The following USP13 variants were observed in gnomAD, a reference collection of about 807,000 sequenced individuals.
USP13 encodes the protein ubiquitin specific peptidase 13.
Under a neutral mutation model 107.8 loss-of-function variants are expected in USP13, and 68 were observed. The ratio of observed to expected loss-of-function variants is 0.63; its 90% CI spans 0.52 to 0.77. USP13 has a LOEUF of 0.77. Ranked by LOEUF, USP13 falls within the 30% of genes least tolerant of loss-of-function variation. USP13 has a pLI of 0.00. For missense variants in USP13, 945 were observed against 1,093.3 expected (o/e 0.86, Z 1.91); for synonymous variants, 377 against 389.5 (o/e 0.97, Z 0.38).
intron 17 of USP13, 54 bp from the exon 18 acceptor site, chr3:179,763,948 G>T: frequency 1.7e-6 from 2 of 1,192,598 alleles, no homozygotes; most frequent in Non-Finnish European, 2.2e-6. Context: ...GTTGTTTCAG[G>T]ACAAAAAAAA....
rs543622656 is a variant in USP13 at position 179,769,727 on chromosome 3, A to G, written c.2413+3879A>G. Among the ~76,000 whole-genome samples the G allele has an allele frequency of 8.5e-5, 13 of 152,290 alleles. No individual in the cohort carries two copies. In the South Asian group the frequency reaches 2.7e-3, roughly 32 times the overall value. ...CCTGGCCAAATAATGAGTTTCTTAA[A>G]GGATGAATTCAATTCACAGAAGTAC... On this transcript the variant is annotated intron_variant, in intron 19 of 20. Coordinates refer to ENST00000263966, the MANE Select transcript of USP13 (RefSeq NM_003940.3).
rs1291662261 is a variant in USP13 at position 179,788,618 on chromosome 3, C to A, written c.*4477C>A. 6.6e-6 allele frequency: 1 copy of A among 152,102 alleles called. No individual in the cohort carries two copies. The highest frequency in any genetic ancestry group is 2.4e-5 in the African/African-American group (1 of 41,418). The allele number at this position is 152,102 out of a possible 1,614,324, so 9.4% of individuals were successfully genotyped here. ...TTGGATGTACTAAGTAAAATATTAA[C>A]AATTTAATATATTTATATAATTGAA... On this transcript the variant is annotated 3_prime_UTR_variant, in exon 21 of 21. Coordinates refer to ENST00000263966, the MANE Select transcript of USP13 (RefSeq NM_003940.3).
chr3:179,774,633 T>A (rs930857356), intron 19 of USP13, among the ~76,000 whole-genome samples: 2 of 152,132 alleles, frequency 1.3e-5, no homozygotes, highest in African/African-American at 4.8e-5. Flanking sequence ...ATAAAGGTAG[T>A]GGAGACCCAA....
chr3:179,657,633 A>G (rs1317667610), intron 1 of USP13, among the ~76,000 whole-genome samples: 2 of 151,336 alleles, frequency 1.3e-5, no homozygotes. Flanking sequence ...GTGTGGTGGC[A>G]CGCACCTGTA....
chr3:179,681,896 T>C lies in USP13; in HGVS notation c.187T>C (p.Tyr63His). The stretch of plus-strand genomic sequence containing the variant: ...CTTCTAGAATTCTGAAGGTGGACTC[T>C]ATGTATGCATGAATACATTTTTGGC... ...YDSPNSEGGL[Y>H]VCMNTFLAFG... Residue 63 changes from tyrosine (Y) to histidine (H), a missense_variant, in exon 2 of 21, where the codon TAT becomes CAT. Transcript: ENST00000263966. 6.2e-7 allele frequency: 1 copy of C among 1,613,506 alleles called. No homozygotes were observed. Among genetic ancestry groups the C allele is most frequent in the Non-Finnish European group, 8.5e-7 (1 of 1,179,714 alleles).
intron 10 of USP13, among the ~76,000 whole-genome samples, chr3:179,732,821 C>T (rs1713854151): frequency 1.3e-5 from 2 of 152,216 alleles, no homozygotes; most frequent in African/African-American, 2.4e-5. Context: ...GAGCCCTTGT[C>T]TCTCTTCCCC....
chr3:179,744,991 T>C (rs544065471), intron 12 of USP13, 52 bp from the exon 13 acceptor site: 1 of 1,602,360 alleles, frequency 6.2e-7, no homozygotes, highest in Non-Finnish European at 8.5e-7. Context: ...GTGCTTTTCA[T>C]TTCCACAGGG....
Position 179,702,169 on chromosome 3 carries a change from G to A in USP13, c.477+1040G>A, listed in dbSNP as rs559909382. On this transcript the variant is annotated intron_variant, in intron 4 of 20. Coordinates refer to ENST00000263966, the MANE Select transcript of USP13 (RefSeq NM_003940.3). ...CGAGTAGCTGGGACTCCAGGCGCCCGCCATCACGCCTAGAGATTTTTTTGT... is the reference window on the plus strand; with the variant it reads ...CGAGTAGCTGGGACTCCAGGCGCCCACCATCACGCCTAGAGATTTTTTTGT... Among the ~76,000 whole-genome samples the A allele has an allele frequency of 2.0e-4, 31 of 152,128 alleles. No homozygotes were observed. In the East Asian group the frequency reaches 2.3e-3, roughly 11 times the overall value.
chr3:179,734,248 A>T (rs921854116), intron 10 of USP13, among the ~76,000 whole-genome samples: 1 of 152,244 alleles, frequency 6.6e-6, no homozygotes, highest in Non-Finnish European at 1.5e-5. Context: ...TTACTTAAAT[A>T]TGTTGAATTG....
intron 16 of USP13, among the ~76,000 whole-genome samples, chr3:179,759,924 G>A (rs761958706): frequency 6.6e-6 from 1 of 152,036 alleles, no homozygotes; most frequent in East Asian, 1.9e-4. Flanking sequence ...CACCTGCCTC[G>A]GCCTCCCAAA....
intron 1 of USP13, among the ~76,000 whole-genome samples, chr3:179,655,548 G>GTTTTTTTTTTTTTTTTTTTTTT (rs150977876): frequency 1.3e-4 from 17 of 131,430 alleles, no homozygotes; most frequent in Admixed American, 3.7e-4. Context: ...TAATGGGAAG[G>GTTTTTTTTTTTTTTTTTTTTTT]TTTTTTTTGT....
chr3:179,707,173 T>C, intron 5 of USP13, 97 bp downstream of exon 5: 2 of 1,401,390 alleles, frequency 1.4e-6, no homozygotes, highest in Non-Finnish European at 1.9e-6. Flanking sequence ...TTATATTTTT[T>C]CTTACCAGAT....
At position 179,720,013 on chromosome 3, in the gene USP13, T is replaced by C; in HGVS notation, c.879T>C (p.Ile293=). Residue 293 remains isoleucine (I), a synonymous_variant, in exon 7 of 21, where the codon ATT becomes ATC. Transcript: ENST00000263966. The stretch of plus-strand genomic sequence containing the variant: ...CCAAGCACTTAGCGCATTTTGGAAT[T>C]GATATGCTTCATATGCATGGGGTGA... ...HLAKHLAHFG[I]DMLHMHGTEN... 1 of 1,614,052 alleles carries C rather than the reference T, an allele frequency of 6.2e-7. No homozygotes were observed. The highest frequency in any genetic ancestry group is 8.5e-7 in the Non-Finnish European group (1 of 1,179,964).
chr3:179,713,655 TA>T (rs1713005535), intron 6 of USP13, among the ~76,000 whole-genome samples: 1 of 152,150 alleles, frequency 6.6e-6, no homozygotes, highest in Non-Finnish European at 1.5e-5. Context: ...TTTTAGTTCA[TA>T]ATGAGAGCCA....
chr3:179,740,468 A>C, intron 11 of USP13, 96 bp downstream of exon 11: 1 of 1,531,246 alleles, frequency 6.5e-7, no homozygotes, highest in Non-Finnish European at 8.9e-7. Flanking sequence ...ATGCCTCCCC[A>C]CTCTCTTTCT....
intron 19 of USP13, among the ~76,000 whole-genome samples, chr3:179,773,195 G>A (rs561315582): frequency 6.6e-6 from 1 of 152,326 alleles, no homozygotes; most frequent in South Asian, 2.1e-4. Context: ...TAAATACCCA[G>A]ATATTGGGTG....
At chr3:179,783,925 C>T (rs1715834255) in intron 20 of USP13, 123 bp from the exon 21 acceptor site, 1 of 633,880 alleles carries the variant, frequency 1.6e-6, no homozygotes, top group African/African-American at 1.9e-5. Context: ...ATACAACGAA[C>T]TTGAGTATAG....
At chr3:179,767,436 T>G (rs1385010112) in intron 19 of USP13, among the ~76,000 whole-genome samples, 2 of 151,660 alleles carry the variant, frequency 1.3e-5, no homozygotes, top group Non-Finnish European at 2.9e-5. Context: ...TGGTTTTTTT[T>G]TTTTTTGAGA....
chr3:179,658,196 C>A (rs552567440), intron 1 of USP13, among the ~76,000 whole-genome samples: 6 of 152,128 alleles, frequency 3.9e-5, no homozygotes, highest in Non-Finnish European at 7.3e-5. Flanking sequence ...CCTCGTGATC[C>A]GCCCACCTTG....
Sources: allele counts gnomAD v4.1 joint callset (sites outside exome capture counted in the v4.1 genomes callset), GRCh38; gene constraint gnomAD v4.1.1; transcripts MANE v1.5; gene names NCBI Gene and HGNC (gene_info 2026-07-23, HGNC 2026-07-21).